The following CDC14A variants were observed in gnomAD, a reference collection of about 807,000 sequenced individuals.
CDC14A encodes cell division cycle 14A, also known as dual specificity protein phosphatase CDC14A.
A neutral mutation model predicts 74.4 loss-of-function variants in CDC14A; 53 were observed. The ratio of observed to expected loss-of-function variants is 0.71; its 90% CI spans 0.57 to 0.89. The LOEUF is 0.89. Ranked by LOEUF, CDC14A falls within the 40% of genes least tolerant of loss-of-function variation. The pLI is 0.00. For synonymous variants in CDC14A, 247 were observed against 258.4 expected, an observed-to-expected ratio of 0.96 and a Z score of 0.43; for missense variants, 646 against 713.7, an observed-to-expected ratio of 0.91 and a Z score of 1.08.
chr1:100,396,073 C>G (rs1203080197), intron 4 of CDC14A, among the ~76,000 whole-genome samples: 1 of 152,238 alleles, frequency 6.6e-6, no homozygotes, highest in Non-Finnish European at 1.5e-5. Context: ...CTTATTATCT[C>G]TTTCCCAGAC....
At chr1:100,507,855 T>C (rs569708679) in intron 15 of CDC14A, among the ~76,000 whole-genome samples, 67 of 152,120 alleles carry the variant, frequency 4.4e-4, no homozygotes, top group African/African-American at 1.5e-3. Context: ...AATTTTTGTA[T>C]TTTTAGTAGA....
intron 4 of CDC14A, among the ~76,000 whole-genome samples, chr1:100,399,760 C>G (rs1659006241): frequency 6.6e-6 from 1 of 151,774 alleles, no homozygotes; most frequent in South Asian, 2.1e-4. Context: ...ACCCAGCTAC[C>G]TGGAGACTGA....
intron 11 of CDC14A, among the ~76,000 whole-genome samples, chr1:100,491,051 A>G (rs1035025785): frequency 6.6e-6 from 1 of 152,136 alleles, no homozygotes; most frequent in Non-Finnish European, 1.5e-5. Context: ...TTCATAAACC[A>G]TGTATATATA....
At chr1:100,378,344 C>T (rs1010447596) in intron 3 of CDC14A, among the ~76,000 whole-genome samples, 3 of 151,968 alleles carry the variant, frequency 2.0e-5, no homozygotes, top group African/African-American at 7.2e-5. Flanking sequence ...CTTCCAATTT[C>T]TAAATGAAGA....
intron 2 of CDC14A, among the ~76,000 whole-genome samples, chr1:100,358,951 C>A (rs1218683835): frequency 3.3e-5 from 5 of 152,118 alleles, no homozygotes; most frequent in Non-Finnish European, 5.9e-5. Flanking sequence ...AAATGTATAG[C>A]AAGTAGGATA....
At position 100,404,043 on chromosome 1, in the gene CDC14A, C is replaced by T. The variant is rs546683721; in HGVS notation, c.309+13219C>T. Among the ~76,000 whole-genome samples, 5 of 151,534 alleles carry T rather than the reference C, an allele frequency of 3.3e-5. No individual in the cohort carries two copies. The South Asian group carries it at 1.0e-3, about 32-fold the overall frequency. ...TAGAGTGAGTAAAATTGTGGCCTTT[C>T]CCCTATTTTGGAAAGTGAATAAATT... On this transcript the variant is annotated intron_variant, in intron 4 of 15. Transcript: ENST00000336454.
intron 5 of CDC14A, among the ~76,000 whole-genome samples, chr1:100,436,344 C>G (rs75908470): frequency 0.037 from 5,662 of 152,190 alleles, 125 homozygotes; most frequent in Middle Eastern, 0.095. Flanking sequence ...TTCCTTTATC[C>G]TCACTTCCAG....
chr1:100,440,547 T>G (rs541493694), intron 6 of CDC14A, among the ~76,000 whole-genome samples: 1 of 152,296 alleles, frequency 6.6e-6, no homozygotes, highest in Non-Finnish European at 1.5e-5. Context: ...GGAACATGTT[T>G]TAGAAACATA....
rs1281913203 is a variant in CDC14A at position 100,460,929 on chromosome 1, C to CT, written c.608-1719dup. On this transcript the variant is annotated intron_variant, in intron 8 of 15. Coordinates refer to ENST00000336454, the MANE Select transcript of CDC14A (RefSeq NM_003672.4). Reference sequence around the variant, plus strand: ...TGGAATATGTTGGGTAGCTCATAGACTTTAAGAAAAGGCTGGAGAACTAGG... The same window carrying CT: ...TGGAATATGTTGGGTAGCTCATAGACTTTTAAGAAAAGGCTGGAGAACTAGG... Among the ~76,000 whole-genome samples, 6 of 152,234 alleles carry CT rather than the reference C, an allele frequency of 3.9e-5. No individual in the cohort carries two copies. The East Asian group carries it at 1.2e-3, about 29-fold the overall frequency.
Position 100,363,856 on chromosome 1 carries a change from C to T in CDC14A, c.140+10004C>T, listed in dbSNP as rs1424487925. 3.3e-5 allele frequency among the ~76,000 whole-genome samples: 5 copies of T among 152,234 alleles called. No homozygotes were observed. In the East Asian group the frequency reaches 7.7e-4, roughly 23 times the overall value. On this transcript the variant is annotated intron_variant, in intron 2 of 15. Transcript: ENST00000336454. Reference sequence around the variant, plus strand: ...TTCTAAAATGAATATACATTTCTGCCTTCTTAAAGAATTTACTGGCCAGGC... The same window carrying T: ...TTCTAAAATGAATATACATTTCTGCTTTCTTAAAGAATTTACTGGCCAGGC...
At chr1:100,460,986 A>G (rs375037132) in intron 8 of CDC14A, among the ~76,000 whole-genome samples, 5 of 152,246 alleles carry the variant, frequency 3.3e-5, no homozygotes, top group Admixed American at 6.5e-5. Context: ...AAGTGGGAAA[A>G]TGGGAACCAC....
chr1:100,442,797 G>T, intron 6 of CDC14A, 137 bp from the exon 7 acceptor site: 1 of 635,058 alleles, frequency 1.6e-6, no homozygotes. Context: ...AAGATTTCTA[G>T]ATATGCATTA....
chr1:100,401,262 T>C (rs1659220523), intron 4 of CDC14A, among the ~76,000 whole-genome samples: 2 of 152,250 alleles, frequency 1.3e-5, no homozygotes, highest in African/African-American at 4.8e-5. Context: ...GACTTTGTCT[T>C]ATTTTCCACA....
intron 9 of CDC14A, among the ~76,000 whole-genome samples, chr1:100,466,105 A>C (rs1667778543): frequency 6.6e-6 from 1 of 152,188 alleles, no homozygotes; most frequent in Non-Finnish European, 1.5e-5. Context: ...TTAGTTTCAG[A>C]GAAATTGGAA....
At chr1:100,513,337 A>G (rs533157142) in intron 15 of CDC14A, among the ~76,000 whole-genome samples, 19 of 152,230 alleles carry the variant, frequency 1.2e-4, no homozygotes, top group South Asian at 4.1e-4. Flanking sequence ...AAAACAAACC[A>G]TTTTTATTTT....
chr1:100,499,713 A>C (rs1648480644), intron 15 of CDC14A, among the ~76,000 whole-genome samples: 1 of 152,172 alleles, frequency 6.6e-6, no homozygotes, highest in Non-Finnish European at 1.5e-5. Context: ...CAGTGAATTA[A>C]TTTTGGAGTA....
Position 100,361,975 on chromosome 1 carries a change from G to T in CDC14A, c.140+8123G>T, listed in dbSNP as rs185317243. Among the ~76,000 whole-genome samples, 538 of 152,310 alleles carry T rather than the reference G, an allele frequency of 3.5e-3. 6 individuals are homozygous for T. The highest frequency in any genetic ancestry group is 0.014 in the Middle Eastern group (4 of 294). On this transcript the variant is annotated intron_variant, in intron 2 of 15. Transcript: ENST00000336454. ...TGGATTTGGGACTGAGCAGATGCGG[G>T]TAGGGAGGAGGAAGCAAAGGTGAAT...
chr1:100,394,540 CTG>C (rs1193062646), intron 4 of CDC14A, among the ~76,000 whole-genome samples: 1 of 152,208 alleles, frequency 6.6e-6, no homozygotes, highest in Non-Finnish European at 1.5e-5. Flanking sequence ...ACAAAATACT[CTG>C]TGACAAAATA....
chr1:100,353,951 C>G (rs1377142284), intron 2 of CDC14A, 99 bp downstream of exon 2: 12 of 682,942 alleles, frequency 1.8e-5, no homozygotes, highest in Non-Finnish European at 3.1e-5. Flanking sequence ...CATTTCCCCC[C>G]CAATGATACG....
Sources: gnomAD v4.1 joint callset for allele counts (sites outside exome capture counted in the v4.1 genomes callset) on GRCh38, gnomAD v4.1.1 for gene constraint, MANE v1.5 for transcripts, NCBI Gene and HGNC (gene_info 2026-07-23, HGNC 2026-07-21) for gene names.